Variants in PLPP3 observed in about 807,000 individuals in gnomAD.
PLPP3 encodes phospholipid phosphatase 3, also known as PAP2 beta.
A neutral mutation model predicts 29.6 loss-of-function variants in PLPP3; 6 were observed. That is an observed-to-expected ratio of 0.20 (90% CI 0.11 to 0.40). PLPP3 has a LOEUF of 0.40. Ranked by LOEUF, PLPP3 falls within the 10% of genes least tolerant of loss-of-function variation. The probability of loss-of-function intolerance (pLI) is 1.00; values close to 1 mark genes in which losing one functional copy is unlikely to be tolerated. For missense variants in PLPP3, 308 were observed against 407.7 expected, an observed-to-expected ratio of 0.76 and a Z score of 2.11; for synonymous variants, 152 against 159.7, an observed-to-expected ratio of 0.95 and a Z score of 0.36.
chr1:56,535,150 A>G (rs986899834), intron 2 of PLPP3, among the ~76,000 whole-genome samples: 2 of 152,342 alleles, frequency 1.3e-5, no homozygotes, highest in East Asian at 3.9e-4. Context: ...CTTAGTAAGT[A>G]GACATAGTAT....
intron 1 of PLPP3, among the ~76,000 whole-genome samples, chr1:56,567,541 G>A (rs560224982): frequency 6.6e-6 from 1 of 151,896 alleles, no homozygotes; most frequent in South Asian, 2.1e-4. Flanking sequence ...GGGACTACAG[G>A]TACCCGCCAC....
chr1:56,573,260 A>T (rs1264568607), intron 1 of PLPP3, among the ~76,000 whole-genome samples: 1 of 152,232 alleles, frequency 6.6e-6, no homozygotes, highest in East Asian at 1.9e-4. Context: ...ATTAGAAACA[A>T]CACCAAGTCT....
chr1:56,549,464 C>T (rs535429378), intron 1 of PLPP3, among the ~76,000 whole-genome samples: 1 of 152,326 alleles, frequency 6.6e-6, no homozygotes, highest in South Asian at 2.1e-4. Context: ...CACACTTCCT[C>T]ATCTGCTCTC....
At chr1:56,543,703 T>C (rs952616252) in intron 1 of PLPP3, among the ~76,000 whole-genome samples, 2 of 152,190 alleles carry the variant, frequency 1.3e-5, no homozygotes, top group African/African-American at 4.8e-5. Context: ...TGAAGGCATT[T>C]TTCTACCTTT....
At chr1:56,570,207 A>C (rs895654253) in intron 1 of PLPP3, among the ~76,000 whole-genome samples, 1 of 152,190 alleles carries the variant, frequency 6.6e-6, no homozygotes, top group Non-Finnish European at 1.5e-5. Context: ...TTGATACCAC[A>C]AACTAATTTG....
chr1:56,520,741 T>C (rs1645812998), intron 4 of PLPP3, among the ~76,000 whole-genome samples: 1 of 150,644 alleles, frequency 6.6e-6, no homozygotes, highest in Non-Finnish European at 1.5e-5. Context: ...TGAAACCCTG[T>C]CTCTATTAAA....
At chr1:56,578,765 C>T (rs1325144149) in intron 1 of PLPP3, 113 bp downstream of exon 1, 1 of 1,176,106 alleles carries the variant, frequency 8.5e-7, no homozygotes, top group South Asian at 3.3e-5. Context: ...TGCGGGGGCC[C>T]CCCGGAGCTG....
At chr1:56,530,047 C>T (rs1231793714) in intron 2 of PLPP3, among the ~76,000 whole-genome samples, 1 of 151,950 alleles carries the variant, frequency 6.6e-6, no homozygotes, top group Non-Finnish European at 1.5e-5. Flanking sequence ...CCCAACTCTG[C>T]CAGTCCATGC....
chr1:56,552,073 C>T (rs115591555), intron 1 of PLPP3, among the ~76,000 whole-genome samples: 3,808 of 152,222 alleles, frequency 0.025, 59 homozygotes, highest in South Asian at 0.095. Context: ...TTCCATATTC[C>T]TATGCACACT....
chr1:56,544,725 C>A (rs1361258502), intron 1 of PLPP3, among the ~76,000 whole-genome samples: 1 of 152,174 alleles, frequency 6.6e-6, no homozygotes, highest in Non-Finnish European at 1.5e-5. Flanking sequence ...GCCTTTATTG[C>A]TAAGGATACA....
Position 56,579,164 on chromosome 1 carries a change from G to C in PLPP3, c.-148C>G, listed in dbSNP as rs975402139. ...CTCCGGGCGCGGCGGCTAGAGTGCA[G>C]CCGGGGCTGCCTGCCTCCAACTGCA... is the stretch of plus-strand genomic sequence containing the variant. On this transcript the variant is annotated 5_prime_UTR_variant, in exon 1 of 6. Coordinates refer to ENST00000371250, the MANE Select transcript of PLPP3 (RefSeq NM_003713.5). 9.9e-7 allele frequency: 1 copy of C among 1,011,810 alleles called. No individual in the cohort carries two copies. The highest frequency in any genetic ancestry group is 3.4e-5 in the Admixed American group (1 of 29,150). The allele number at this position is 1,011,810 out of a possible 1,614,324, so 62.7% of individuals were successfully genotyped here. A position where few individuals can be genotyped will look rare whatever the true frequency, so the allele number is the denominator to read the frequency against.
intron 1 of PLPP3, among the ~76,000 whole-genome samples, chr1:56,570,019 G>T (rs1029785021): frequency 6.6e-6 from 1 of 152,204 alleles, no homozygotes; most frequent in Admixed American, 6.5e-5. Flanking sequence ...CTTATATAGT[G>T]TTTGTCATTA....
intron 1 of PLPP3, among the ~76,000 whole-genome samples, chr1:56,567,806 G>A (rs887503922): frequency 6.6e-6 from 1 of 152,088 alleles, no homozygotes; most frequent in African/African-American, 2.4e-5. Context: ...CCACTCCTAG[G>A]TATACAGACC....
intron 5 of PLPP3, among the ~76,000 whole-genome samples, chr1:56,498,801 T>C (rs1292250121): frequency 6.6e-6 from 1 of 152,028 alleles, no homozygotes; most frequent in Non-Finnish European, 1.5e-5. Context: ...GCCTGGCTAA[T>C]TTTTATATTT....
At chr1:56,560,064 A>G (rs957785541) in intron 1 of PLPP3, among the ~76,000 whole-genome samples, 22 of 152,166 alleles carry the variant, frequency 1.4e-4, no homozygotes, top group Admixed American at 1.0e-3. Context: ...CCCCTCAAAC[A>G]TAGTGTTAAT....
intron 1 of PLPP3, among the ~76,000 whole-genome samples, chr1:56,543,302 C>T (rs1399051868): frequency 1.3e-5 from 2 of 152,140 alleles, no homozygotes; most frequent in African/African-American, 4.8e-5. Flanking sequence ...TTCATGTATA[C>T]CCAACAGAAA....
intron 2 of PLPP3, among the ~76,000 whole-genome samples, chr1:56,529,948 C>T (rs1441043500): frequency 1.3e-5 from 2 of 152,006 alleles, no homozygotes; most frequent in African/African-American, 4.8e-5. Context: ...GCCCTGTGCC[C>T]ACAAGTCTCA....
At chr1:56,539,219 T>C (rs765161797) in intron 1 of PLPP3, among the ~76,000 whole-genome samples, 9 of 152,184 alleles carry the variant, frequency 5.9e-5, no homozygotes, top group Non-Finnish European at 1.0e-4. Context: ...AATCCCAAGA[T>C]AAACAGTTGT....
chr1:56,565,356 A>T (rs556972025), intron 1 of PLPP3, among the ~76,000 whole-genome samples: 1 of 150,736 alleles, frequency 6.6e-6, no homozygotes, highest in Non-Finnish European at 1.5e-5. Flanking sequence ...AGGTACAAAA[A>T]GGGTCACAAA....
Sources: gnomAD v4.1 joint callset for allele counts (sites outside exome capture counted in the v4.1 genomes callset) on GRCh38, gnomAD v4.1.1 for gene constraint, MANE v1.5 for transcripts, NCBI Gene and HGNC (gene_info 2026-07-23, HGNC 2026-07-21) for gene names.